RNF44: variants seen among roughly 807,000 people sequenced by gnomAD.
RNF44 encodes ring finger protein 44.
A neutral mutation model predicts 53.6 loss-of-function variants in RNF44; 25 were observed. That is an observed-to-expected ratio of 0.47 (90% CI 0.34 to 0.65). The LOEUF is 0.65. RNF44 is among the 30% of genes least tolerant of loss of function. The pLI is 0.01. For missense variants in RNF44, 581 were observed against 595.5 expected (o/e 0.98, Z 0.25); for synonymous variants, 282 against 252.2 (o/e 1.12, Z -1.12).
chr5:176,541,663 G>A (rs899585538), upstream of RNF44, among the ~76,000 whole-genome samples: 1 of 152,186 alleles, frequency 6.6e-6, no homozygotes, highest in Non-Finnish European at 1.5e-5. Flanking sequence ...CATGTTTCCT[G>A]CTGGGGCCCT....
chr5:176,540,684 T>C (rs1757426976), upstream of RNF44, among the ~76,000 whole-genome samples: 1 of 152,378 alleles, frequency 6.6e-6, no homozygotes, highest in Non-Finnish European at 1.5e-5. Flanking sequence ...AATGGGGCTC[T>C]GGATCTGCCT....
upstream of RNF44, among the ~76,000 whole-genome samples, chr5:176,542,350 G>A (rs752155107): frequency 2.6e-5 from 4 of 152,018 alleles, no homozygotes; most frequent in Non-Finnish European, 4.4e-5. Flanking sequence ...CATCCTTCTC[G>A]GTGGGTCAAC....
Position 176,531,041 on chromosome 5 carries a change from G to A in RNF44, c.466-20C>T. 1 of 1,437,180 alleles carries A rather than the reference G, an allele frequency of 7.0e-7. No individual in the cohort carries two copies. Among genetic ancestry groups the A allele is most frequent in the South Asian group, 1.7e-5 (1 of 58,766 alleles). 89.0% of individuals were successfully genotyped at this position (1,437,180 alleles called of 1,614,324 possible). A position where few individuals can be genotyped will look rare whatever the true frequency, so the allele number is the denominator to read the frequency against. On this transcript the variant is annotated intron_variant, in intron 4 of 10. Transcript: ENST00000274811. This position sits in a 1 kb window ranked among gnomAD's most constrained non-coding sequence, Gnocchi z 4.2. ...GATAAGCTGCCAAGAGAGGGGGCAG[G>A]GGGCTGAGAACGTTCTCCTGGGCTC...
chr5:176,534,143 C>A (rs1756957029), intron 1 of RNF44, among the ~76,000 whole-genome samples: 1 of 152,242 alleles, frequency 6.6e-6, no homozygotes, highest in Admixed American at 6.5e-5. Flanking sequence ...GGGCCAGGGA[C>A]CACCTTGTGT....
At chr5:176,530,824 A>G (rs889707432) in intron 5 of RNF44, 24 bp downstream of exon 5, 5 of 1,385,490 alleles carry the variant, frequency 3.6e-6, no homozygotes. Context: ...ATCTCCCTCC[A>G]GCATCGGACC....
At chr5:176,536,251 G>C (rs956462191) in intron 1 of RNF44, 3 of 152,286 alleles carry the variant, frequency 2.0e-5, no homozygotes, top group African/African-American at 7.2e-5. Context: ...AGTGACCTTG[G>C]TCAAGGAAAT....
Position 176,530,917 on chromosome 5 carries a change from T to TGGGTGGGGGGGGGGGGGGGGGGGG in RNF44, c.569_570insCCCCCCCCCCCCCCCCCCCCACCC (p.Pro192_Gln193insProProProProHisProProPro). 4.3e-6 allele frequency: 1 copy of TGGGTGGGGGGGGGGGGGGGGGGGG among 232,852 alleles called. No homozygotes were observed. Among genetic ancestry groups the TGGGTGGGGGGGGGGGGGGGGGGGG allele is most frequent in the Non-Finnish European group, 7.0e-6 (1 of 143,578 alleles). 14.4% of individuals were successfully genotyped at this position (232,852 alleles called of 1,614,324 possible). On this transcript the variant is annotated inframe_insertion, in exon 5 of 11. Coordinates refer to ENST00000274811, the MANE Select transcript of RNF44 (RefSeq NM_014901.5). ...GCGCCATGTGGGTGGGCTGGGGGGGTGGGGCCGGTGGTGGGGGGTGCAGGA... is the reference window on the plus strand; with the variant it reads ...GCGCCATGTGGGTGGGCTGGGGGGGTGGGTGGGGGGGGGGGGGGGGGGGGGGGGCCGGTGGTGGGGGGTGCAGGA...
chr5:176,537,908 A>T (rs781420506), upstream of RNF44: 1 of 152,124 alleles, frequency 6.6e-6, no homozygotes, highest in Non-Finnish European at 1.5e-5. Flanking sequence ...CGCTGACATC[A>T]TGGCCCGGCC....
At chr5:176,535,823 G>T (rs775400104) in intron 1 of RNF44, among the ~76,000 whole-genome samples, 3 of 152,148 alleles carry the variant, frequency 2.0e-5, no homozygotes, top group Non-Finnish European at 4.4e-5. Flanking sequence ...TGCTCTGCCC[G>T]TCCACATCTC....
At position 176,532,054 on chromosome 5, in the gene RNF44, G is replaced by C; in HGVS notation, c.247C>G (p.Leu83Val). The C allele has an allele frequency of 6.2e-7, 1 of 1,610,154 alleles. No individual in the cohort carries two copies. The highest frequency in any genetic ancestry group is 1.1e-5 in the South Asian group (1 of 90,630). The change falls in exon 3 of 11, where the codon CTG becomes GTG. Residue 83 changes from leucine (L) to valine (V), a missense_variant. By Grantham distance (32) the Leu-to-Val change is conservative. Coordinates refer to ENST00000274811, the MANE Select transcript of RNF44 (RefSeq NM_014901.5). The part of the protein sequence containing the change: ...SAPAGGSPRM[L>V]HPATQQSPFM... ...GGGCTCTGCTGGGTGGCTGGGTGCA[G>C]CATTCGGGGGCTCCCGCCGGCAGGA...
Position 176,531,589 on chromosome 5 carries a change from T to C in RNF44, c.339A>G (p.Thr113=), listed in dbSNP as rs145998963. The C allele has an allele frequency of 9.1e-5, 147 of 1,613,616 alleles. No homozygotes were observed. The African/African-American group carries it at 1.7e-3, about 19-fold the overall frequency. ...GPVPLSYTVT[T]VTTQGFPLPT... ...GCAAGGGGAAGCCTTGGGTCGTCAC[T>C]GTGGTGACCGTGTAGGACAGAGGGA... Residue 113 remains threonine (T), a synonymous_variant, in exon 4 of 11, where the codon ACA becomes ACG. Transcript: ENST00000274811. This position sits in a 1 kb window ranked among gnomAD's most constrained non-coding sequence, Gnocchi z 4.2.
chr5:176,540,754 A>G (rs1378424820), upstream of RNF44, among the ~76,000 whole-genome samples: 2 of 152,160 alleles, frequency 1.3e-5, no homozygotes, highest in Non-Finnish European at 2.9e-5. Context: ...CCCTCAGTAA[A>G]TCCCCAGTCA....
chr5:176,532,763 A>AAAAAAAAC (rs1358353368), intron 1 of RNF44, among the ~76,000 whole-genome samples: 2 of 141,888 alleles, frequency 1.4e-5, no homozygotes, highest in Admixed American at 1.4e-4. Flanking sequence ...AAAAAAAAAA[A>AAAAAAAAC]AAAGAAAGAA....
At position 176,531,925 on chromosome 5, in the gene RNF44, G is replaced by A; in HGVS notation, c.297+79C>T. 1 of 1,419,298 alleles carries A rather than the reference G, an allele frequency of 7.0e-7. No homozygotes were observed. The highest frequency in any genetic ancestry group is 1.4e-5 in the South Asian group (1 of 72,706). 87.9% of individuals were successfully genotyped at this position (1,419,298 alleles called of 1,614,324 possible). A position where few individuals can be genotyped will look rare whatever the true frequency, so the allele number is the denominator to read the frequency against. On this transcript the variant is annotated intron_variant, in intron 3 of 10. Transcript: ENST00000274811. The surrounding 1 kb of genome is among the most constrained non-coding windows in gnomAD (Gnocchi z 4.2). ...TGGAACGTGAAATGAAGCAAGCTAG[G>A]TGAAATCTAGGCCTTGCTGCCTCTG...
At chr5:176,541,014 C>T (rs935349356), upstream of RNF44, among the ~76,000 whole-genome samples, 11 of 152,200 alleles carry the variant, frequency 7.2e-5, no homozygotes, top group Non-Finnish European at 1.5e-4. Flanking sequence ...ACCTACTGTG[C>T]GAGCCTTGTT....
chr5:176,535,679 G>A (rs1757086592), intron 1 of RNF44, among the ~76,000 whole-genome samples: 2 of 152,212 alleles, frequency 1.3e-5, no homozygotes. Flanking sequence ...CATACAGGAG[G>A]CTGGGAGAGC....
Position 176,532,047 on chromosome 5 carries a change from G to A in RNF44, c.254C>T (p.Pro85Leu), listed in dbSNP as rs1199791739. The change falls in exon 3 of 11, where the codon CCA becomes CTA. Residue 85 changes from proline to leucine, a missense_variant. By Grantham distance (98) the Pro-to-Leu change is moderately conservative (BLOSUM62 -3). Coordinates refer to ENST00000274811, the MANE Select transcript of RNF44 (RefSeq NM_014901.5). The stretch of plus-strand genomic sequence containing the variant: ...CATGAACGGGCTCTGCTGGGTGGCT[G>A]GGTGCAGCATTCGGGGGCTCCCGCC... ...PAGGSPRMLH[P>L]ATQQSPFMVD... is the part of the protein sequence containing the mutation. 2.5e-6 allele frequency: 4 copies of A among 1,611,388 alleles called. No individual in the cohort carries two copies. The highest frequency in any genetic ancestry group is 3.4e-5 in the Admixed American group (2 of 59,498).
chr5:176,534,624 T>C (rs924442320), intron 1 of RNF44, among the ~76,000 whole-genome samples: 5 of 152,244 alleles, frequency 3.3e-5, no homozygotes, highest in African/African-American at 1.2e-4. Flanking sequence ...TCCCCAGAAG[T>C]TGTCACAGCA....
intron 1 of RNF44, among the ~76,000 whole-genome samples, chr5:176,534,208 C>A (rs1210466535): frequency 6.6e-6 from 1 of 152,254 alleles, no homozygotes; most frequent in Non-Finnish European, 1.5e-5. Context: ...GCCAATCACA[C>A]AGGTCCAAGG....
Sources: allele counts gnomAD v4.1 joint callset (sites outside exome capture counted in the v4.1 genomes callset), GRCh38; gene constraint gnomAD v4.1.1; non-coding constraint Gnocchi (gnomAD v3.1); transcripts MANE v1.5; gene names NCBI Gene and HGNC (gene_info 2026-07-23, HGNC 2026-07-21).